Variants in SLC16A9 observed in about 807,000 individuals in gnomAD.
The protein encoded by SLC16A9 is solute carrier family 16 member 9.
Under a neutral mutation model 44.3 loss-of-function variants are expected in SLC16A9, and 26 were observed. That is an observed-to-expected ratio of 0.59 (90% CI 0.43 to 0.81). The LOEUF is 0.81. Ranked by LOEUF, SLC16A9 falls within the 40% of genes least tolerant of loss-of-function variation. The pLI, the probability that SLC16A9 is intolerant of heterozygous loss-of-function variation, is 0.00. For synonymous variants in SLC16A9, 230 were observed against 225.1 expected (o/e 1.02, Z -0.19); for missense variants, 559 against 595.8 (o/e 0.94, Z 0.64).
At chr10:59,677,662 A>C (rs1839889526) in intron 2 of SLC16A9, among the ~76,000 whole-genome samples, 1 of 152,116 alleles carries the variant, frequency 6.6e-6, no homozygotes, top group South Asian at 2.1e-4. Flanking sequence ...AGGAAGAAAA[A>C]CCAAGGCCAC....
At chr10:59,701,875 C>G (rs938794996) in intron 1 of SLC16A9, among the ~76,000 whole-genome samples, 1 of 152,214 alleles carries the variant, frequency 6.6e-6, no homozygotes, top group African/African-American at 2.4e-5. Context: ...CTGTTTCTCT[C>G]ATCTTGATGC....
At position 59,684,237 on chromosome 10, in the gene SLC16A9, A is replaced by C; in HGVS notation, c.55T>G (p.Ser19Ala). The change falls in exon 2 of 6, where the codon TCC (serine) becomes GCC (alanine). Residue 19 changes from serine (S) to alanine (A), a missense_variant. Ser to Ala is a moderately conservative substitution (Grantham distance 99). Coordinates refer to ENST00000395348, the MANE Select transcript of SLC16A9 (RefSeq NM_194298.3). ...GGWGWVIVFV[S>A]FLTQFLCYGS... ...TAACACAAAAACTGAGTAAGGAAGG[A>C]GACAAACACAATCACCCAGCCCCAT... 6.2e-7 allele frequency: 1 copy of C among 1,614,126 alleles called. No homozygotes were observed. The highest frequency in any genetic ancestry group is 8.5e-7 in the Non-Finnish European group (1 of 1,180,022).
intron 1 of SLC16A9, among the ~76,000 whole-genome samples, chr10:59,689,189 G>C (rs1241087721): frequency 6.6e-6 from 1 of 152,196 alleles, no homozygotes; most frequent in Non-Finnish European, 1.5e-5. Context: ...ATAGAACACA[G>C]TTAAAACTAC....
intron 4 of SLC16A9, among the ~76,000 whole-genome samples, chr10:59,662,633 C>CAAAAAAA (rs71006278): frequency 4.2e-3 from 181 of 43,278 alleles, no homozygotes; most frequent in Non-Finnish European, 5.3e-3. Context: ...AACTCCATCT[C>CAAAAAAA]AAAAAAAAAA....
rs554850324 is a variant in SLC16A9, at chr10:59,696,566, T to C, written c.-36-12239A>G. On this transcript the variant is annotated intron_variant, in intron 1 of 5. Transcript: ENST00000395348. ...AGGAGCGTCTCTGCCTGGCCGCCCA[T>C]CGTCTGGGATGTGAGGAGCCTCTCT... is the stretch of plus-strand genomic sequence containing the variant. 3.5e-3 allele frequency among the ~76,000 whole-genome samples: 521 copies of C among 147,704 alleles called. 5 individuals carry two copies. Among genetic ancestry groups the C allele is most frequent in the Non-Finnish European group, 5.1e-3 (344 of 66,948 alleles).
intron 4 of SLC16A9, among the ~76,000 whole-genome samples, chr10:59,657,999 A>G (rs962228142): frequency 1.3e-5 from 2 of 152,180 alleles, no homozygotes; most frequent in Admixed American, 6.5e-5. Context: ...ACATTAAAAC[A>G]GGCACCTTAA....
intron 1 of SLC16A9, among the ~76,000 whole-genome samples, chr10:59,694,464 T>C (rs1222301270): frequency 6.6e-6 from 1 of 151,918 alleles, no homozygotes; most frequent in Non-Finnish European, 1.5e-5. Context: ...ATATAGAAAA[T>C]AGTCTATATA....
intron 1 of SLC16A9, among the ~76,000 whole-genome samples, chr10:59,696,472 T>C (rs373160544): frequency 1.3e-5 from 2 of 152,210 alleles, no homozygotes; most frequent in Non-Finnish European, 2.9e-5. Flanking sequence ...ACCTCCCAGC[T>C]GCCTGCCTTG....
intron 1 of SLC16A9, among the ~76,000 whole-genome samples, chr10:59,686,217 T>G (rs571134958): frequency 7.4e-4 from 113 of 152,336 alleles, no homozygotes; most frequent in Non-Finnish European, 4.4e-5. Flanking sequence ...ATCTTTTTTA[T>G]AAAAGTCCTT....
In SLC16A9 at chr10:59,698,743, T is replaced by C. The variant is rs372614243; in HGVS notation, c.-37+10736A>G. Among the ~76,000 whole-genome samples the C allele has an allele frequency of 3.0e-4, 45 of 152,054 alleles. No homozygotes were observed. In the East Asian group the frequency reaches 6.9e-3, roughly 23 times the overall value. ...AACACTTTGTCTCTCTTTTTTTTTT[T>C]TTCTTTTTTTTTGAGCAGAGTTTCA... On this transcript the variant is annotated intron_variant, in intron 1 of 5. Transcript: ENST00000395348.
At chr10:59,671,736 A>G (rs1839754962) in intron 3 of SLC16A9, among the ~76,000 whole-genome samples, 1 of 152,238 alleles carries the variant, frequency 6.6e-6, no homozygotes, top group Non-Finnish European at 1.5e-5. Flanking sequence ...AGCCAATATC[A>G]AATCCCATAT....
intron 2 of SLC16A9, among the ~76,000 whole-genome samples, chr10:59,680,674 T>G (rs1240782631): frequency 6.6e-6 from 1 of 152,142 alleles, no homozygotes. Context: ...TAAAAATCAC[T>G]TTGGGGACTT....
At chr10:59,656,488 T>G (rs756222674) in intron 4 of SLC16A9, among the ~76,000 whole-genome samples, 4 of 152,182 alleles carry the variant, frequency 2.6e-5, no homozygotes, top group Non-Finnish European at 5.9e-5. Context: ...ATTGAACACA[T>G]AAGATAGCAG....
chr10:59,672,788 A>G lies in SLC16A9; in HGVS notation c.322T>C (p.Ser108Pro), dbSNP rs1021995667. Residue 108 changes from serine to proline, a missense_variant, in exon 3 of 6, where the codon TCC (serine) becomes CCC (proline). Ser to Pro is a moderately conservative substitution (Grantham distance 74, BLOSUM62 -1). Transcript: ENST00000395348. ...TCCTTACCTACAACAATGCCATAGGAAAAAAACAGAAAGTAGATATTGGGA... is the reference window on the plus strand; with the variant it reads ...TCCTTACCTACAACAATGCCATAGGGAAAAAACAGAAAGTAGATATTGGGA... ...FAPNIYFLFF[S>P]YGIVVGLGCG... 1.4e-5 allele frequency: 22 copies of G among 1,612,998 alleles called. No individual in the cohort carries two copies. The highest frequency in any genetic ancestry group is 1.8e-5 in the Non-Finnish European group (21 of 1,179,592).
chr10:59,653,267 AC>A (rs1039260320), intron 5 of SLC16A9, among the ~76,000 whole-genome samples: 35 of 150,944 alleles, frequency 2.3e-4, no homozygotes, highest in African/African-American at 7.8e-4. Context: ...AACAACAACA[AC>A]AAAAAACATT....
chr10:59,671,063 G>C (rs1342120061), intron 3 of SLC16A9, among the ~76,000 whole-genome samples: 1 of 152,114 alleles, frequency 6.6e-6, no homozygotes, highest in Non-Finnish European at 1.5e-5. Context: ...AGGTTTCTTA[G>C]CCTGCCTTCA....
At chr10:59,690,053 G>A (rs1840218622) in intron 1 of SLC16A9, among the ~76,000 whole-genome samples, 1 of 152,132 alleles carries the variant, frequency 6.6e-6, no homozygotes, top group Non-Finnish European at 1.5e-5. Flanking sequence ...TGGGTGTGGT[G>A]GCATGCACCT....
intron 3 of SLC16A9, among the ~76,000 whole-genome samples, chr10:59,670,513 T>C (rs1397108050): frequency 2.6e-5 from 4 of 152,202 alleles, no homozygotes; most frequent in African/African-American, 4.8e-5. Context: ...TTAACCCACA[T>C]GGTCTAACCC....
chr10:59,658,174 C>T (rs1164241649), intron 4 of SLC16A9, among the ~76,000 whole-genome samples: 2 of 152,126 alleles, frequency 1.3e-5, no homozygotes, highest in Non-Finnish European at 1.5e-5. Context: ...CAATTTACTG[C>T]CACTTAAAAA....
Sources: gnomAD v4.1 joint callset for allele counts (sites outside exome capture counted in the v4.1 genomes callset) on GRCh38, gnomAD v4.1.1 for gene constraint, MANE v1.5 for transcripts, NCBI Gene and HGNC (gene_info 2026-07-23, HGNC 2026-07-21) for gene names.